The following BMP1 variants were observed in gnomAD, a reference collection of about 807,000 sequenced individuals.
The protein encoded by BMP1 is bone morphogenetic protein 1, also known as mammalian tolloid protein.
In BMP1, 63 loss-of-function variants were observed where a neutral mutation model predicts 116.8. The observed-to-expected ratio is 0.54, with a 90% confidence interval of 0.44 to 0.67. The LOEUF (loss-of-function observed/expected upper bound fraction) is 0.67. BMP1 is among the 30% of genes least tolerant of loss of function. The pLI is 0.00. For synonymous variants in BMP1, 536 were observed against 533.4 expected, an observed-to-expected ratio of 1.00 and a Z score of -0.07; for missense variants, 1,183 against 1,358.9, an observed-to-expected ratio of 0.87 and a Z score of 2.04.
intron 8 of BMP1, among the ~76,000 whole-genome samples, 164 bp from the exon 9 acceptor site, chr8:22,191,885 T>A (rs949641070): frequency 1.3e-5 from 2 of 152,162 alleles, no homozygotes; most frequent in Admixed American, 1.3e-4. Context: ...CAGACAACTG[T>A]GGAGGAGGGG....
intron 1 of BMP1, among the ~76,000 whole-genome samples, chr8:22,172,326 C>T (rs1305160025): frequency 6.6e-6 from 1 of 152,028 alleles, no homozygotes; most frequent in Non-Finnish European, 1.5e-5. Flanking sequence ...AGTTCTATGG[C>T]CTCTGCTTCC....
At chr8:22,175,363 C>G (rs1828402093) in intron 2 of BMP1, among the ~76,000 whole-genome samples, 1 of 152,226 alleles carries the variant, frequency 6.6e-6, no homozygotes, top group African/African-American at 2.4e-5. Context: ...TTCCTAATCT[C>G]AGATCCCCAC....
At chr8:22,187,333 ATTT>A (rs1349420447) in intron 8 of BMP1, among the ~76,000 whole-genome samples, 1 of 146,034 alleles carries the variant, frequency 6.8e-6, no homozygotes, top group African/African-American at 2.5e-5. Flanking sequence ...TAATTAATTT[ATTT>A]ATTTATTTAT....
At chr8:22,201,376 C>G in intron 15 of BMP1, 1 of 1,469,504 alleles carries the variant, frequency 6.8e-7, no homozygotes, top group Non-Finnish European at 8.9e-7. Context: ...GTCCGCGGAC[C>G]GGGGACCCTT....
At chr8:22,210,557 C>G (rs1024296326) in intron 19 of BMP1, among the ~76,000 whole-genome samples, 56 of 152,210 alleles carry the variant, frequency 3.7e-4, no homozygotes, top group Admixed American at 9.8e-4. Flanking sequence ...CCTTGCCTAT[C>G]TCATGGCTGT....
At chr8:22,200,206 C>T (rs1479689778) in intron 15 of BMP1, among the ~76,000 whole-genome samples, 3 of 152,234 alleles carry the variant, frequency 2.0e-5, no homozygotes, top group South Asian at 4.1e-4. Context: ...ACCAAGTGCA[C>T]TTCTGTGCAT....
intron 15 of BMP1, chr8:22,199,524 T>G: frequency 1.2e-6 from 1 of 867,012 alleles, no homozygotes; most frequent in Non-Finnish European, 1.5e-6. Context: ...GGACTCACTT[T>G]CCCCCACTCA....
intron 8 of BMP1, among the ~76,000 whole-genome samples, chr8:22,183,705 G>A (rs1383971202): frequency 6.6e-6 from 1 of 152,030 alleles, no homozygotes; most frequent in African/African-American, 2.4e-5. Flanking sequence ...AGCCTCCTGA[G>A]TAGCTGGGAT....
chr8:22,193,197 A>C (rs1317120962), intron 9 of BMP1, among the ~76,000 whole-genome samples: 2 of 152,178 alleles, frequency 1.3e-5, no homozygotes, highest in African/African-American at 4.8e-5. Context: ...TCATTCACTT[A>C]TGTTGATTCT....
At chr8:22,188,411 C>T (rs1285823186) in intron 8 of BMP1, among the ~76,000 whole-genome samples, 1 of 152,152 alleles carries the variant, frequency 6.6e-6, no homozygotes, top group African/African-American at 2.4e-5. Context: ...CTCAAGCGAT[C>T]CTTCCGCCTC....
chr8:22,209,410 G>T, intron 18 of BMP1, 35 bp from the exon 19 acceptor site: 1 of 1,609,020 alleles, frequency 6.2e-7, no homozygotes, highest in Non-Finnish European at 8.5e-7. Context: ...CACCTGCGGT[G>T]CTCAGGGCTG....
At chr8:22,176,726 C>T in intron 4 of BMP1, 76 bp downstream of exon 4, 1 of 1,492,004 alleles carries the variant, frequency 6.7e-7, no homozygotes, top group Non-Finnish European at 9.3e-7. Flanking sequence ...CTGCCACTGC[C>T]CCCAGCTGGG....
rs1416236641 is a variant in BMP1 at position 22,180,367 on chromosome 8, G to C, written c.962-1G>C. ...TGCCCTGTCATTTCCTTTCCTCACA[G>C]CCTGTGGAGAGACCCTGCAAGACAG... On this transcript the variant is annotated splice_acceptor_variant, in intron 7 of 19. Transcript: ENST00000306385. LOFTEE classifies it high-confidence loss of function. 6.2e-7 allele frequency: 1 copy of C among 1,611,674 alleles called. No homozygotes were observed.
chr8:22,183,886 C>G (rs1159142042), intron 8 of BMP1, among the ~76,000 whole-genome samples: 1 of 152,102 alleles, frequency 6.6e-6, no homozygotes, highest in Non-Finnish European at 1.5e-5. Flanking sequence ...ATGTTAAATT[C>G]TTTATGTGTG....
intron 7 of BMP1, among the ~76,000 whole-genome samples, chr8:22,180,047 G>A (rs1178173568): frequency 6.6e-6 from 1 of 152,142 alleles, no homozygotes; most frequent in East Asian, 1.9e-4. Flanking sequence ...CCTTCTGAGG[G>A]TCTGTAGGGG....
At chr8:22,200,326 C>T (rs191106744) in intron 15 of BMP1, among the ~76,000 whole-genome samples, 10 of 152,206 alleles carry the variant, frequency 6.6e-5, no homozygotes, top group Admixed American at 1.3e-4. Flanking sequence ...TGCCTTTACG[C>T]GTGACTTTGT....
Position 22,206,837 on chromosome 8 carries a change from C to T in BMP1, c.2234-17C>T. On this transcript the variant is annotated splice_polypyrimidine_tract_variant and intron_variant, in intron 16 of 19. Coordinates refer to ENST00000306385, the MANE Select transcript of BMP1 (RefSeq NM_006129.5). The stretch of plus-strand genomic sequence containing the variant: ...GGGGTCCCTCTCTATCCCCTTCCGT[C>T]ACTCGCTTCCCTGCAGCCGGCTGTG... 6.2e-7 allele frequency: 1 copy of T among 1,614,106 alleles called. No homozygotes were observed. The highest frequency in any genetic ancestry group is 8.5e-7 in the Non-Finnish European group (1 of 1,179,994).
At position 22,180,493 on chromosome 8, in the gene BMP1, G is replaced by C; in HGVS notation, c.1077+10G>C. On this transcript the variant is annotated intron_variant, in intron 8 of 19. Coordinates refer to ENST00000306385, the MANE Select transcript of BMP1 (RefSeq NM_006129.5). The stretch of plus-strand genomic sequence containing the variant: ...CACACCCGGGGAGAAGGTACGTGTG[G>C]GCTCAGCCTCTGAGCCTCCCCCTCC... 1 of 1,611,462 alleles carries C rather than the reference G, an allele frequency of 6.2e-7. No homozygotes were observed. The highest frequency in any genetic ancestry group is 8.5e-7 in the Non-Finnish European group (1 of 1,178,184).
Position 22,194,567 on chromosome 8 carries a change from G to A in BMP1, c.1420G>A (p.Gly474Ser). ...RIQVSEGFHV[G>S]LTFQSFEIER... The stretch of plus-strand genomic sequence containing the variant: ...CCAGGTGTCTGAGGGCTTCCACGTG[G>A]GCCTCACATTCCAGTCCTTTGAGGT... Residue 474 changes from glycine (G) to serine (S), a missense_variant, in exon 11 of 20, where the codon GGC becomes AGC. Gly to Ser is a moderately conservative substitution (Grantham distance 56). Around this residue, in one of 4 missense-constraint regions of BMP1, gnomAD observed 956 missense variants for 1,135.2 expected, o/e 0.84. Transcript: ENST00000306385. This position sits in a 1 kb window ranked among gnomAD's most constrained non-coding sequence, Gnocchi z 4.5. 1 of 1,614,140 alleles carries A rather than the reference G, an allele frequency of 6.2e-7. No individual in the cohort carries two copies. The highest frequency in any genetic ancestry group is 8.5e-7 in the Non-Finnish European group (1 of 1,180,014).
Sources: gnomAD v4.1 joint callset for allele counts (sites outside exome capture counted in the v4.1 genomes callset) on GRCh38, gnomAD v4.1.1 for gene constraint, gnomAD v4.1.1 regional missense constraint, Gnocchi (gnomAD v3.1) non-coding constraint, MANE v1.5 for transcripts, NCBI Gene and HGNC (gene_info 2026-07-23, HGNC 2026-07-21) for gene names.